The following TRDN variants were observed in gnomAD, a reference collection of about 807,000 sequenced individuals.
TRDN encodes triadin, also known as triadin in skeletal muscle.
A neutral mutation model predicts 149.7 loss-of-function variants in TRDN; 161 were observed. The observed-to-expected ratio is 1.08, with a 90% CI of 0.95 to 1.23. TRDN has a LOEUF of 1.23. Among genes scored for constraint, TRDN ranks in the 50% most tolerant of loss-of-function variants. The pLI is 0.00. For missense variants in TRDN, 896 were observed against 823.5 expected (o/e 1.09, Z -1.08); for synonymous variants, 294 against 250.5 (o/e 1.17, Z -1.64).
intron 2 of TRDN, among the ~76,000 whole-genome samples, chr6:123,563,842 C>G (rs1034835161): frequency 1.3e-5 from 2 of 152,288 alleles, no homozygotes; most frequent in Admixed American, 1.3e-4. Context: ...GGGTCTCACT[C>G]TGTCACCCAG....
intron 4 of TRDN, among the ~76,000 whole-genome samples, chr6:123,544,246 T>TACACACACACACAC (rs71021453): frequency 6.9e-6 from 1 of 144,232 alleles, no homozygotes; most frequent in Non-Finnish European, 1.5e-5. Flanking sequence ...CATCTGTACA[T>TACACACACACACAC]ACACACACAC....
intron 38 of TRDN, among the ~76,000 whole-genome samples, chr6:123,228,412 C>T (rs1775469356): frequency 6.6e-6 from 1 of 151,900 alleles, no homozygotes; most frequent in Non-Finnish European, 1.5e-5. Context: ...CACATTTCAG[C>T]CTGGCTGAAG....
At chr6:123,518,462 T>C (rs1261456169) in intron 5 of TRDN, among the ~76,000 whole-genome samples, 1 of 152,158 alleles carries the variant, frequency 6.6e-6, no homozygotes, top group African/African-American at 2.4e-5. Context: ...AGAGCCCTGA[T>C]TGGAAAGACC....
chr6:123,623,420 G>C (rs992956852), intron 1 of TRDN, among the ~76,000 whole-genome samples: 1 of 152,040 alleles, frequency 6.6e-6, no homozygotes, highest in African/African-American at 2.4e-5. Flanking sequence ...CTGTGGTGTA[G>C]TTTATCATCT....
intron 12 of TRDN, among the ~76,000 whole-genome samples, chr6:123,417,457 A>G (rs1366928605): frequency 1.3e-5 from 2 of 152,226 alleles, no homozygotes; most frequent in African/African-American, 4.8e-5. Context: ...GTAGCAATGT[A>G]TATAAATAAC....
intron 13 of TRDN, among the ~76,000 whole-genome samples, chr6:123,388,782 G>A (rs894027532): frequency 1.3e-5 from 2 of 152,098 alleles, no homozygotes; most frequent in South Asian, 2.1e-4. Context: ...ATGGAGTTAC[G>A]TAGACAAGAA....
At chr6:123,270,984 G>T (rs982895399) in intron 30 of TRDN, among the ~76,000 whole-genome samples, 155 bp downstream of exon 30, 3 of 151,428 alleles carry the variant, frequency 2.0e-5, no homozygotes, top group African/African-American at 7.3e-5. Flanking sequence ...TTATTCACAA[G>T]AATTCAGAAT....
chr6:123,397,409 C>A (rs778122330), intron 12 of TRDN, among the ~76,000 whole-genome samples: 3 of 152,152 alleles, frequency 2.0e-5, no homozygotes, highest in Admixed American at 6.6e-5. Context: ...CGTACAACTT[C>A]CCTTCCTACT....
chr6:123,363,815 C>A (rs1780987100), intron 20 of TRDN, among the ~76,000 whole-genome samples: 1 of 152,188 alleles, frequency 6.6e-6, no homozygotes, highest in Non-Finnish European at 1.5e-5. Flanking sequence ...TATTTCTACC[C>A]TAAATACTGT....
At chr6:123,298,632 C>A (rs1003574598) in intron 24 of TRDN, among the ~76,000 whole-genome samples, 1 of 151,996 alleles carries the variant, frequency 6.6e-6, no homozygotes, top group South Asian at 2.1e-4. Context: ...ACATGATAAA[C>A]CATAATTGTC....
At chr6:123,586,261 G>A (rs1202576950) in intron 1 of TRDN, among the ~76,000 whole-genome samples, 1 of 152,158 alleles carries the variant, frequency 6.6e-6, no homozygotes, top group African/African-American at 2.4e-5. Context: ...CGGACCGGGT[G>A]TGAGGAGGGG....
intron 8 of TRDN, among the ~76,000 whole-genome samples, chr6:123,499,922 C>A (rs1778627831): frequency 6.6e-6 from 1 of 150,640 alleles, no homozygotes; most frequent in Middle Eastern, 3.5e-3. Context: ...AGGTTATATG[C>A]AAATATTAGT....
At chr6:123,223,883 C>T (rs1004503800) in intron 39 of TRDN, among the ~76,000 whole-genome samples, 22 of 151,280 alleles carry the variant, frequency 1.5e-4, no homozygotes, top group Non-Finnish European at 1.5e-4. Flanking sequence ...AAATCAATAC[C>T]CAACTAGTGT....
intron 10 of TRDN, chr6:123,464,269 T>G: frequency 1.0e-6 from 1 of 984,998 alleles, no homozygotes; most frequent in African/African-American, 1.7e-5. Context: ...CCAGCAAAAT[T>G]TATTACAAAG....
At chr6:123,265,379 T>A (rs1348825459) in intron 32 of TRDN, 41 bp from the exon 33 acceptor site, 10 of 1,329,338 alleles carry the variant, frequency 7.5e-6, no homozygotes, top group African/African-American at 1.5e-5. Flanking sequence ...TGAGTGATAA[T>A]TTTCTATCTA....
At chr6:123,461,270 CTT>C (rs1285674237) in intron 10 of TRDN, among the ~76,000 whole-genome samples, 1 of 152,118 alleles carries the variant, frequency 6.6e-6, no homozygotes, top group African/African-American at 2.4e-5. Context: ...GGACTCTGGT[CTT>C]CTCTCTAGAG....
chr6:123,606,020 C>T (rs1784513086), intron 1 of TRDN, among the ~76,000 whole-genome samples: 1 of 151,988 alleles, frequency 6.6e-6, no homozygotes, highest in African/African-American at 2.4e-5. Context: ...CAAATGTGTG[C>T]TCATTCAATG....
At chr6:123,295,581 G>A (rs1778162048) in intron 24 of TRDN, among the ~76,000 whole-genome samples, 1 of 152,024 alleles carries the variant, frequency 6.6e-6, no homozygotes, top group African/African-American at 2.4e-5. Flanking sequence ...AAATTGGTGA[G>A]GTGATAGGTA....
chr6:123,534,695 A>C (rs1193804246), intron 4 of TRDN, among the ~76,000 whole-genome samples: 1 of 152,212 alleles, frequency 6.6e-6, no homozygotes, highest in Non-Finnish European at 1.5e-5. Context: ...TTTATTGTCC[A>C]ACAATCTTCA....
Sources: gnomAD v4.1 joint callset for allele counts (sites outside exome capture counted in the v4.1 genomes callset) on GRCh38, gnomAD v4.1.1 for gene constraint, MANE v1.5 for transcripts, NCBI Gene and HGNC (gene_info 2026-07-23, HGNC 2026-07-21) for gene names.